HSDL2: variants seen among roughly 807,000 people sequenced by gnomAD.
The protein encoded by HSDL2 is hydroxysteroid dehydrogenase like 2.
Under a neutral mutation model 46.3 loss-of-function variants are expected in HSDL2, and 27 were observed. That is an observed-to-expected ratio of 0.58 (90% CI 0.43 to 0.80). The LOEUF (loss-of-function observed/expected upper bound fraction) is 0.80. HSDL2 is among the 30% of genes least tolerant of loss of function. HSDL2 has a pLI of 0.00. For missense variants in HSDL2, 451 were observed against 502.7 expected (o/e 0.90, Z 0.98); for synonymous variants, 153 against 163.6 (o/e 0.94, Z 0.50).
At chr9:112,431,087 A>C (rs1175146448) in intron 6 of HSDL2, among the ~76,000 whole-genome samples, 6 of 151,550 alleles carry the variant, frequency 4.0e-5, no homozygotes, top group African/African-American at 1.2e-4. Flanking sequence ...AAAAAAATAA[A>C]GATTTCTGGC....
intron 8 of HSDL2, among the ~76,000 whole-genome samples, chr9:112,449,560 T>A (rs1322129293): frequency 6.6e-6 from 1 of 152,110 alleles, no homozygotes; most frequent in African/African-American, 2.4e-5. Context: ...AACTTATATA[T>A]ACCAAAAAAT....
At chr9:112,386,392 A>G (rs989306970) in intron 1 of HSDL2, among the ~76,000 whole-genome samples, 1 of 152,170 alleles carries the variant, frequency 6.6e-6, no homozygotes, top group African/African-American at 2.4e-5. Context: ...TTTGCCGATG[A>G]TATTATCCTG....
chr9:112,438,881 T>TTAAC (rs1832585881), intron 7 of HSDL2: 1 of 246,446 alleles, frequency 4.1e-6, no homozygotes, highest in South Asian at 1.6e-4. Flanking sequence ...GATCAGTTAC[T>TTAAC]AGCCACTTCT....
At chr9:112,464,094 T>G (rs1158250421) in intron 10 of HSDL2, among the ~76,000 whole-genome samples, 1 of 151,856 alleles carries the variant, frequency 6.6e-6, no homozygotes, top group Non-Finnish European at 1.5e-5. Flanking sequence ...CAGCCAGGCA[T>G]GGTGGCTCAT....
intron 8 of HSDL2, among the ~76,000 whole-genome samples, chr9:112,447,833 C>G (rs1832786493): frequency 6.6e-6 from 1 of 152,052 alleles, no homozygotes; most frequent in African/African-American, 2.4e-5. Flanking sequence ...AATTGAAATG[C>G]TTTCTGGAAC....
At chr9:112,423,218 A>G (rs1236197205) in intron 6 of HSDL2, among the ~76,000 whole-genome samples, 1 of 152,228 alleles carries the variant, frequency 6.6e-6, no homozygotes, top group Non-Finnish European at 1.5e-5. Context: ...ACCAAATAAC[A>G]ACTCCCTATA....
chr9:112,432,545 G>C (rs893912804), intron 6 of HSDL2, among the ~76,000 whole-genome samples: 10 of 152,202 alleles, frequency 6.6e-5, no homozygotes, highest in Non-Finnish European at 1.3e-4. Flanking sequence ...ATAATAGGCA[G>C]AATGTTCTGT....
At position 112,420,273 on chromosome 9, in the gene HSDL2, C is replaced by G. The variant is rs542985061; in HGVS notation, c.598+1315C>G. ...AGGTTGCAGTGAACCCAGATTGGAC[C>G]ACTGCACTCCATCCTGGGTAACAGA... On this transcript the variant is annotated intron_variant, in intron 6 of 10. Transcript: ENST00000398805. 9.2e-5 allele frequency among the ~76,000 whole-genome samples: 14 copies of G among 152,232 alleles called. No individual in the cohort carries two copies. The South Asian group carries it at 2.9e-3, about 32-fold the overall frequency.
chr9:112,385,739 C>T (rs1587923984), intron 1 of HSDL2, among the ~76,000 whole-genome samples: 1 of 151,914 alleles, frequency 6.6e-6, no homozygotes, highest in African/African-American at 2.4e-5. Context: ...GTGATCCGCC[C>T]ACCTCAGCCT....
At chr9:112,464,270 G>C (rs1472759995) in intron 10 of HSDL2, among the ~76,000 whole-genome samples, 2 of 150,756 alleles carry the variant, frequency 1.3e-5, no homozygotes, top group Admixed American at 6.6e-5. Context: ...GTAAAATTGA[G>C]TTGTCTTTTG....
chr9:112,441,882 A>C (rs1354370604), intron 8 of HSDL2, 112 bp downstream of exon 8: 6 of 653,494 alleles, frequency 9.2e-6, no homozygotes, highest in Non-Finnish European at 1.1e-5. Context: ...CTGTTTTTAA[A>C]CTGTTTTGTA....
intron 1 of HSDL2, among the ~76,000 whole-genome samples, chr9:112,385,509 T>TC (rs397948047): frequency 7.2e-6 from 1 of 138,326 alleles, no homozygotes; most frequent in Non-Finnish European, 1.6e-5. Flanking sequence ...TTTTTTTTTT[T>TC]GACAGAATCT....
intron 4 of HSDL2, among the ~76,000 whole-genome samples, chr9:112,412,601 G>A (rs1831899519): frequency 6.6e-6 from 1 of 152,184 alleles, no homozygotes; most frequent in Non-Finnish European, 1.5e-5. Flanking sequence ...GTCAAAATTA[G>A]TAATCATAAC....
intron 9 of HSDL2, among the ~76,000 whole-genome samples, chr9:112,456,082 C>T (rs1423994792): frequency 6.6e-6 from 1 of 152,212 alleles, no homozygotes; most frequent in East Asian, 1.9e-4. Flanking sequence ...ATCCCATTTT[C>T]CCTGGCCTTC....
At chr9:112,392,301 C>T (rs973241913) in intron 1 of HSDL2, among the ~76,000 whole-genome samples, 1 of 152,186 alleles carries the variant, frequency 6.6e-6, no homozygotes, top group African/African-American at 2.4e-5. Flanking sequence ...GGTCTATGTT[C>T]AGTGGTGCAG....
At position 112,438,462 on chromosome 9, in the gene HSDL2, A is replaced by T; in HGVS notation, c.630A>T (p.Gly210=). The T allele has an allele frequency of 6.2e-7, 1 of 1,608,626 alleles. No homozygotes were observed. The highest frequency in any genetic ancestry group is 1.7e-4 in the Middle Eastern group (1 of 6,036). The change falls in exon 7 of 11, where the codon GGA becomes GGT. Residue 210 remains glycine (G), a synonymous_variant. Transcript: ENST00000398805. ...AIHTAAMDML[G]GPGIESQCRK... The stretch of plus-strand genomic sequence containing the variant: ...ACACTGCTGCTATGGATATGCTGGG[A>T]GGACCTGGTATCGAAAGCCAGTGTA...
At chr9:112,381,116 C>CACACACACACACACACACAT in intron 1 of HSDL2, among the ~76,000 whole-genome samples, 1 of 151,832 alleles carries the variant, frequency 6.6e-6, no homozygotes, top group South Asian at 2.1e-4. Context: ...CACACACACA[C>CACACACACACACACACACAT]ATACCCTTTC....
chr9:112,446,468 A>G (rs1016172273), intron 8 of HSDL2, among the ~76,000 whole-genome samples: 2 of 152,112 alleles, frequency 1.3e-5, no homozygotes, highest in East Asian at 1.9e-4. Flanking sequence ...CATTTCTACA[A>G]AAAATTTTTA....
chr9:112,405,294 G>A (rs1831700400), intron 2 of HSDL2, among the ~76,000 whole-genome samples: 1 of 152,184 alleles, frequency 6.6e-6, no homozygotes, highest in Admixed American at 6.5e-5. Flanking sequence ...TGAGGCTGCA[G>A]TGAGCTGTGT....
Sources: gnomAD v4.1 joint callset for allele counts (sites outside exome capture counted in the v4.1 genomes callset) on GRCh38, gnomAD v4.1.1 for gene constraint, MANE v1.5 for transcripts, NCBI Gene and HGNC (gene_info 2026-07-23, HGNC 2026-07-21) for gene names.